Variants in KCNIP4 observed in about 807,000 individuals in gnomAD.
The protein encoded by KCNIP4 is Kv channel-interacting protein 4.
Under a neutral mutation model 34.0 loss-of-function variants are expected in KCNIP4, and 12 were observed. The observed-to-expected ratio is 0.35, with a 90% CI of 0.23 to 0.57. The LOEUF (loss-of-function observed/expected upper bound fraction) is 0.57, where lower values mean the gene tolerates loss of function less well. KCNIP4 is among the 20% of genes least tolerant of loss of function. KCNIP4 has a pLI of 0.83. For synonymous variants in KCNIP4, 124 were observed against 102.2 expected (o/e 1.21, Z -1.29); for missense variants, 238 against 311.7 (o/e 0.76, Z 1.78).
Position 21,644,513 on chromosome 4 carries a change from C to T in KCNIP4, c.61+304058G>A, listed in dbSNP as rs151076875. On this transcript the variant is annotated intron_variant, in intron 1 of 8. Coordinates refer to ENST00000382152, the MANE Select transcript of KCNIP4 (RefSeq NM_025221.6). Reference sequence around the variant, plus strand: ...AATCCTTGATTTTCACATCTGAAACCTAATGAAAGTGCAGCAGGTAAAAGC... The same window carrying T: ...AATCCTTGATTTTCACATCTGAAACTTAATGAAAGTGCAGCAGGTAAAAGC... Among the ~76,000 whole-genome samples, 1,184 of 152,216 alleles carry T rather than the reference C, an allele frequency of 7.8e-3. 16 individuals are homozygous for T. Among genetic ancestry groups the T allele is most frequent in the African/African-American group, 0.027 (1,104 of 41,532 alleles).
chr4:20,886,433 G>A (rs1308961255), intron 1 of KCNIP4, among the ~76,000 whole-genome samples: 6 of 152,204 alleles, frequency 3.9e-5, no homozygotes, highest in South Asian at 4.1e-4. Context: ...TGTGTATTCT[G>A]CAGGTAGCTG....
At chr4:21,065,692 G>A (rs1199907259) in intron 1 of KCNIP4, among the ~76,000 whole-genome samples, 1 of 129,750 alleles carries the variant, frequency 7.7e-6, no homozygotes, top group Non-Finnish European at 1.6e-5. Flanking sequence ...AAAATATTTA[G>A]GAGGTCATTA....
At chr4:21,062,791 C>T (rs28406534) in intron 1 of KCNIP4, among the ~76,000 whole-genome samples, 24,813 of 151,998 alleles carry the variant, frequency 0.16, 2,101 homozygotes, top group East Asian at 0.24. Context: ...AAGAACAATT[C>T]CCCTTTACTT....
intron 1 of KCNIP4, among the ~76,000 whole-genome samples, chr4:21,031,594 TG>T (rs1350393712): frequency 2.0e-5 from 3 of 152,320 alleles, no homozygotes; most frequent in Non-Finnish European, 1.5e-5. Flanking sequence ...GTGTCTTTTT[TG>T]TTGTTACACA....
intron 1 of KCNIP4, among the ~76,000 whole-genome samples, chr4:20,894,517 C>T (rs368704062): frequency 5.3e-5 from 8 of 152,138 alleles, no homozygotes; most frequent in Admixed American, 3.9e-4. Flanking sequence ...GAAAAACAGT[C>T]ACTTGTTTCC....
At chr4:21,246,563 G>T (rs1161817955) in intron 1 of KCNIP4, among the ~76,000 whole-genome samples, 1 of 152,092 alleles carries the variant, frequency 6.6e-6, no homozygotes, top group Non-Finnish European at 1.5e-5. Context: ...GTTTTTGAAT[G>T]ATGCTATTTT....
intron 1 of KCNIP4, among the ~76,000 whole-genome samples, chr4:21,475,738 A>T (rs1305883008): frequency 6.6e-6 from 1 of 152,196 alleles, no homozygotes; most frequent in East Asian, 1.9e-4. Flanking sequence ...TGAAACTCTG[A>T]TATTCTAGTT....
At chr4:21,261,461 C>A (rs1212749876) in intron 1 of KCNIP4, among the ~76,000 whole-genome samples, 3 of 152,160 alleles carry the variant, frequency 2.0e-5, no homozygotes, top group African/African-American at 7.2e-5. Context: ...AAAACCACCA[C>A]CTTCCACTGA....
At position 20,850,643 on chromosome 4, in the gene KCNIP4, A is replaced by G. The variant is rs1720913647; in HGVS notation, c.188T>C (p.Met63Thr). The change falls in exon 3 of 9, where the codon ATG (methionine) becomes ACG (threonine). Residue 63 changes from methionine to threonine, a missense_variant. Transcript: ENST00000382152. ...IQNSVEDELEMATVRHRPEAL... is the reference protein window; with the variant it reads ...IQNSVEDELETATVRHRPEAL... ...TTCAGGCCGATGCCTGACGGTGGCC[A>G]TCTCCAGTTCATCTTCCACGCTGTC... The G allele has an allele frequency of 6.2e-7, 1 of 1,612,218 alleles. No individual in the cohort carries two copies. The highest frequency in any genetic ancestry group is 1.7e-5 in the Admixed American group (1 of 59,908).
intron 1 of KCNIP4, among the ~76,000 whole-genome samples, chr4:21,671,851 T>C (rs529460081): frequency 5.9e-5 from 9 of 152,134 alleles, no homozygotes; most frequent in African/African-American, 2.2e-4. Flanking sequence ...ACCCAAAAAA[T>C]TGAATTCCTC....
chr4:21,325,232 C>T (rs1344465472), intron 1 of KCNIP4, among the ~76,000 whole-genome samples: 1 of 151,616 alleles, frequency 6.6e-6, no homozygotes, highest in Non-Finnish European at 1.5e-5. Flanking sequence ...CCAGTGGGTC[C>T]TGGGTTTTTT....
At chr4:21,677,982 C>T (rs1388018560) in intron 1 of KCNIP4, among the ~76,000 whole-genome samples, 2 of 152,154 alleles carry the variant, frequency 1.3e-5, no homozygotes, top group Non-Finnish European at 2.9e-5. Flanking sequence ...GAACTCCTGA[C>T]CTCAGGTGAT....
At chr4:21,241,184 T>G (rs1210578880) in intron 1 of KCNIP4, among the ~76,000 whole-genome samples, 3 of 152,072 alleles carry the variant, frequency 2.0e-5, no homozygotes, top group African/African-American at 7.2e-5. Flanking sequence ...GTATGTACAG[T>G]GTAATTCAAA....
chr4:21,759,878 C>G (rs1156779568), intron 1 of KCNIP4, among the ~76,000 whole-genome samples: 1 of 151,898 alleles, frequency 6.6e-6, no homozygotes, highest in Non-Finnish European at 1.5e-5. Flanking sequence ...AGTCAAAGTC[C>G]TCATTTTTCA....
At chr4:21,152,945 T>A (rs1752866012) in intron 1 of KCNIP4, among the ~76,000 whole-genome samples, 1 of 152,166 alleles carries the variant, frequency 6.6e-6, no homozygotes, top group Admixed American at 6.5e-5. Context: ...ACAAAACTGG[T>A]CCCTGGTGCC....
chr4:21,883,326 T>A (rs1726569872), intron 1 of KCNIP4, among the ~76,000 whole-genome samples: 4 of 151,918 alleles, frequency 2.6e-5, no homozygotes, highest in Admixed American at 6.6e-5. Flanking sequence ...TTTAAAAAAA[T>A]TTTTTTAGAA....
At chr4:21,189,152 A>C (rs1755453733) in intron 1 of KCNIP4, among the ~76,000 whole-genome samples, 1 of 152,226 alleles carries the variant, frequency 6.6e-6, no homozygotes, top group Non-Finnish European at 1.5e-5. Flanking sequence ...GATGCATTCC[A>C]AGTGTTTTAT....
chr4:21,080,322 G>A (rs1251413549), intron 1 of KCNIP4, among the ~76,000 whole-genome samples: 2 of 151,818 alleles, frequency 1.3e-5, no homozygotes, highest in East Asian at 1.9e-4. Context: ...GGAAAAGTGG[G>A]CACATAACAA....
At chr4:21,589,784 C>G (rs576039579) in intron 1 of KCNIP4, among the ~76,000 whole-genome samples, 1 of 151,870 alleles carries the variant, frequency 6.6e-6, no homozygotes, top group South Asian at 2.1e-4. Flanking sequence ...GGATAGGGAC[C>G]AAGTATGTTT....
Sources: allele counts gnomAD v4.1 joint callset (sites outside exome capture counted in the v4.1 genomes callset), GRCh38; gene constraint gnomAD v4.1.1; transcripts MANE v1.5; gene names NCBI Gene and HGNC (gene_info 2026-07-23, HGNC 2026-07-21).